The following TYW3 variants were observed in gnomAD, a reference collection of about 807,000 sequenced individuals.
TYW3 encodes tRNA-yW synthesizing protein 3 homolog, also known as tRNA wybutosine-synthesizing protein 3 homolog.
TYW3 carries 26 observed loss-of-function variants against 23.1 expected under a neutral mutation model. The observed-to-expected ratio is 1.13, with a 90% CI of 0.83 to 1.56. The LOEUF (loss-of-function observed/expected upper bound fraction) is 1.56. Ranked by LOEUF, TYW3 falls within the 40% of genes most tolerant of loss-of-function variation. The pLI is 0.00. For synonymous variants in TYW3, 102 were observed against 105.7 expected, an observed-to-expected ratio of 0.97 and a Z score of 0.21; for missense variants, 316 against 311.9, an observed-to-expected ratio of 1.01 and a Z score of -0.10.
chr1:74,733,663 G>C (rs1014608283), intron 1 of TYW3: 1 of 672,200 alleles, frequency 1.5e-6, no homozygotes, highest in African/African-American at 2.0e-5. Flanking sequence ...GGTAGGGCCT[G>C]ATACTGTGCA....
chr1:74,757,401 A>G (rs1648991493), intron 5 of TYW3, among the ~76,000 whole-genome samples: 1 of 152,242 alleles, frequency 6.6e-6, no homozygotes. Context: ...TTGCATCAGC[A>G]TGATCTGGAT....
At chr1:74,763,825 C>A in intron 5 of TYW3, 69 bp from the exon 6 acceptor site, 1 of 1,212,114 alleles carries the variant, frequency 8.3e-7, no homozygotes, top group Non-Finnish European at 1.2e-6. Flanking sequence ...AACTTATAAG[C>A]TCTTGGTGTA....
intron 1 of TYW3, among the ~76,000 whole-genome samples, chr1:74,735,090 T>C (rs909517862): frequency 6.6e-6 from 1 of 152,240 alleles, no homozygotes; most frequent in African/African-American, 2.4e-5. Context: ...ATTTTTGCAA[T>C]GGTTCTCTAA....
chr1:74,760,979 G>A (rs543471284), intron 5 of TYW3, among the ~76,000 whole-genome samples: 8 of 152,162 alleles, frequency 5.3e-5, no homozygotes, highest in African/African-American at 1.9e-4. Flanking sequence ...CCTATGCTAT[G>A]ATAATCTTGA....
At chr1:74,750,645 CTGTT>C (rs1360426829) in intron 4 of TYW3, among the ~76,000 whole-genome samples, 1 of 152,062 alleles carries the variant, frequency 6.6e-6, no homozygotes, top group African/African-American at 2.4e-5. Flanking sequence ...TTGCATCTAC[CTGTT>C]TATGTTCGTC....
At chr1:74,753,805 C>T (rs1648866660) in intron 5 of TYW3, among the ~76,000 whole-genome samples, 1 of 152,116 alleles carries the variant, frequency 6.6e-6, no homozygotes, top group African/African-American at 2.4e-5. Flanking sequence ...CTCATTTGAA[C>T]CACACAATTC....
rs1649246876 is a variant in TYW3, at chr1:74,764,775, A to G, written c.*662A>G. On this transcript the variant is annotated 3_prime_UTR_variant, in exon 6 of 6. Transcript: ENST00000370867. ...AGGAGATACCATTTCATTTAGGACT[A>G]AAAGGACAAGATACAAGTTCACATG... 1 of 152,198 alleles carries G rather than the reference A, an allele frequency of 6.6e-6. No individual in the cohort carries two copies. Among genetic ancestry groups the G allele is most frequent in the Non-Finnish European group, 1.5e-5 (1 of 68,030 alleles). 9.4% of individuals were successfully genotyped at this position (152,198 alleles called of 1,614,324 possible).
chr1:74,748,010 G>A (rs991730369), intron 3 of TYW3, among the ~76,000 whole-genome samples: 1 of 152,106 alleles, frequency 6.6e-6, no homozygotes, highest in Admixed American at 6.5e-5. Context: ...TTCAACCATG[G>A]CACAGCTGGC....
intron 2 of TYW3, among the ~76,000 whole-genome samples, chr1:74,738,094 A>G (rs1398335854): frequency 4.7e-5 from 7 of 149,050 alleles, no homozygotes; most frequent in African/African-American, 1.5e-4. Context: ...GCAAAAACAA[A>G]CAAGTGAACA....
Position 74,764,171 on chromosome 1 carries a change from C to G in TYW3, c.*58C>G. Reference sequence around the variant, plus strand: ...TTCTAGTAGGTTTTATAAAGCTGCTCTTCATAAGAGTATTTTAGTTTGTTG... The same window carrying G: ...TTCTAGTAGGTTTTATAAAGCTGCTGTTCATAAGAGTATTTTAGTTTGTTG... On this transcript the variant is annotated 3_prime_UTR_variant, in exon 6 of 6. Transcript: ENST00000370867. 1 of 1,449,570 alleles carries G rather than the reference C, an allele frequency of 6.9e-7. No homozygotes were observed. Among genetic ancestry groups the G allele is most frequent in the African/African-American group, 1.4e-5 (1 of 70,050 alleles). The allele number at this position is 1,449,570 out of a possible 1,614,324, so 89.8% of individuals were successfully genotyped here.
chr1:74,744,679 C>T (rs992938839), intron 3 of TYW3, among the ~76,000 whole-genome samples: 13 of 152,198 alleles, frequency 8.5e-5, no homozygotes, highest in African/African-American at 2.9e-4. Flanking sequence ...AGAATTGGTT[C>T]CTTCCGATGG....
chr1:74,763,245 G>C (rs1330338069), intron 5 of TYW3, among the ~76,000 whole-genome samples: 1 of 151,922 alleles, frequency 6.6e-6, no homozygotes, highest in Admixed American at 6.6e-5. Flanking sequence ...ATATTTCTAG[G>C]TGTCTATATA....
intron 4 of TYW3, among the ~76,000 whole-genome samples, chr1:74,750,562 T>A (rs918943212): frequency 6.6e-6 from 1 of 151,926 alleles, no homozygotes; most frequent in African/African-American, 2.4e-5. Context: ...AGACTCTGTC[T>A]CAAAAATAAA....
chr1:74,748,495 A>G (rs1160206481), intron 3 of TYW3: 1 of 403,192 alleles, frequency 2.5e-6, no homozygotes, highest in East Asian at 4.9e-5. Context: ...CACTAGCCAA[A>G]TGTCACTGTT....
chr1:74,733,157 C>T lies in TYW3; in HGVS notation c.-88C>T. The stretch of plus-strand genomic sequence containing the variant: ...AACGAAGAGGAAGTTTGGACCTTTT[C>T]GGCCACCGCTCGCTTCAATATGGCT... On this transcript the variant is annotated 5_prime_UTR_variant, in exon 1 of 6. Transcript: ENST00000370867. The T allele has an allele frequency of 2.7e-6, 4 of 1,496,828 alleles. No homozygotes were observed. Among genetic ancestry groups the T allele is most frequent in the Non-Finnish European group, 3.6e-6 (4 of 1,119,638 alleles). The allele number at this position is 1,496,828 out of a possible 1,614,324, so 92.7% of individuals were successfully genotyped here. A position where few individuals can be genotyped will look rare whatever the true frequency, so the allele number is the denominator to read the frequency against.
chr1:74,744,498 G>T (rs1648481163), intron 3 of TYW3, among the ~76,000 whole-genome samples: 1 of 152,136 alleles, frequency 6.6e-6, no homozygotes, highest in Admixed American at 6.5e-5. Context: ...TGGCTGACAG[G>T]TGTCTGGTAT....
rs1236248892 is a variant in TYW3 at position 74,764,254 on chromosome 1, T to C, written c.*141T>C. ...AAGTGCAGAGCTTCAAACTATAACT[T>C]TGTTGCCCAGAGGATGTGCAGTTGT... On this transcript the variant is annotated 3_prime_UTR_variant, in exon 6 of 6. Transcript: ENST00000370867. The C allele has an allele frequency of 1.4e-6, 1 of 705,348 alleles. No individual in the cohort carries two copies. Among genetic ancestry groups the C allele is most frequent in the Non-Finnish European group, 2.3e-6 (1 of 442,368 alleles). The allele number at this position is 705,348 out of a possible 1,614,324, so 43.7% of individuals were successfully genotyped here. A position where few individuals can be genotyped will look rare whatever the true frequency, so the allele number is the denominator to read the frequency against.
rs552569173 is a variant in TYW3, at chr1:74,744,422, C to T, written c.355-4329C>T. Among the ~76,000 whole-genome samples the T allele has an allele frequency of 1.2e-4, 18 of 151,662 alleles. No homozygotes were observed. The East Asian group carries it at 1.9e-3, about 16-fold the overall frequency. Reference sequence around the variant, plus strand: ...TGAGCCGCCTCTTTTTCACGGTTTGCGGGTCAAATTGGTCCCAATGGCTTA... The same window carrying T: ...TGAGCCGCCTCTTTTTCACGGTTTGTGGGTCAAATTGGTCCCAATGGCTTA... On this transcript the variant is annotated intron_variant, in intron 3 of 5. Coordinates refer to ENST00000370867, the MANE Select transcript of TYW3 (RefSeq NM_138467.3).
At chr1:74,734,324 C>T (rs1381581541) in intron 1 of TYW3, 1 of 152,152 alleles carries the variant, frequency 6.6e-6, no homozygotes, top group Non-Finnish European at 1.5e-5. Flanking sequence ...GCTTGGTAGC[C>T]TTCTGGGTTA....
Sources: gnomAD v4.1 joint callset for allele counts (sites outside exome capture counted in the v4.1 genomes callset) on GRCh38, gnomAD v4.1.1 for gene constraint, MANE v1.5 for transcripts, NCBI Gene and HGNC (gene_info 2026-07-23, HGNC 2026-07-21) for gene names.